Variants in ITGB5 observed in about 807,000 individuals in gnomAD.
ITGB5 encodes integrin subunit beta 5.
Under a neutral mutation model 84.8 loss-of-function variants are expected in ITGB5, and 38 were observed. The observed-to-expected ratio is 0.45, with a 90% CI of 0.35 to 0.59. The LOEUF is 0.59. Ranked by LOEUF, ITGB5 falls within the 20% of genes least tolerant of loss-of-function variation. The pLI is 0.01. For synonymous variants in ITGB5, 393 were observed against 414.4 expected, an observed-to-expected ratio of 0.95 and a Z score of 0.63; for missense variants, 905 against 1,034.5, an observed-to-expected ratio of 0.87 and a Z score of 1.72.
At chr3:124,788,621 T>C (rs2064115719) in intron 10 of ITGB5, among the ~76,000 whole-genome samples, 9 of 152,208 alleles carry the variant, frequency 5.9e-5, no homozygotes, top group Admixed American at 5.9e-4. Context: ...CTCACTGTCA[T>C]GTACATATTT....
chr3:124,863,574 A>G (rs1269573797), intron 2 of ITGB5, among the ~76,000 whole-genome samples: 1 of 152,202 alleles, frequency 6.6e-6, no homozygotes, highest in Non-Finnish European at 1.5e-5. Context: ...GCTGGAGTGC[A>G]GTGGTGTAAT....
intron 1 of ITGB5, among the ~76,000 whole-genome samples, chr3:124,886,342 G>A (rs1934806434): frequency 1.3e-5 from 2 of 152,044 alleles, no homozygotes; most frequent in East Asian, 1.9e-4. Flanking sequence ...GGAAGCAGGC[G>A]GGGGGCGGGG....
At chr3:124,801,689 T>C (rs893741369) in intron 9 of ITGB5, among the ~76,000 whole-genome samples, 2 of 152,222 alleles carry the variant, frequency 1.3e-5, no homozygotes, top group African/African-American at 4.8e-5. Flanking sequence ...TACTCTTGTC[T>C]ACCCCCACCA....
chr3:124,786,289 C>T (rs1248644949), intron 10 of ITGB5, among the ~76,000 whole-genome samples: 1 of 152,038 alleles, frequency 6.6e-6, no homozygotes, highest in Non-Finnish European at 1.5e-5. Context: ...GTAATCCCAA[C>T]ACTTTGGAAG....
At position 124,841,421 on chromosome 3, in the gene ITGB5, C is replaced by G. The variant is rs754885309; in HGVS notation, c.742G>C (p.Gly248Arg). 1.3e-5 allele frequency: 21 copies of G among 1,614,118 alleles called. No homozygotes were observed. Among genetic ancestry groups the G allele is most frequent in the African/African-American group, 2.7e-5 (2 of 74,956 alleles). The change falls in exon 5 of 15, where the codon GGG (glycine) becomes CGG (arginine). Residue 248 changes from glycine (G) to arginine (R), a missense_variant. Around this residue, in one of 3 missense-constraint regions of ITGB5, gnomAD observed 656 missense variants for 734.7 expected, o/e 0.89. Transcript: ENST00000296181. The part of the protein sequence containing the change: ...RVSRNRDAPE[G>R]GFDAVLQAAV... ...GCCTGGAGTACTGCATCAAAGCCCC[C>G]CTCAGGGGCATCTCGGTTCCGGGAC...
intron 12 of ITGB5, among the ~76,000 whole-genome samples, chr3:124,767,169 G>A (rs2063779359): frequency 6.6e-6 from 1 of 152,238 alleles, no homozygotes; most frequent in Admixed American, 6.5e-5. Flanking sequence ...GAAATGCAGT[G>A]GCAATGGCAA....
At chr3:124,779,120 G>A (rs912631212) in intron 10 of ITGB5, among the ~76,000 whole-genome samples, 1 of 152,192 alleles carries the variant, frequency 6.6e-6, no homozygotes, top group African/African-American at 2.4e-5. Context: ...TGGCATTGCC[G>A]TGGGTGCCAC....
chr3:124,785,399 T>C (rs1357233321), intron 10 of ITGB5, among the ~76,000 whole-genome samples: 3 of 151,732 alleles, frequency 2.0e-5, no homozygotes, highest in Non-Finnish European at 4.4e-5. Context: ...CTGGCCAACA[T>C]AGTGAAACTC....
chr3:124,828,817 A>T (rs988383625), intron 5 of ITGB5, among the ~76,000 whole-genome samples: 9 of 152,234 alleles, frequency 5.9e-5, no homozygotes, highest in Non-Finnish European at 1.2e-4. Context: ...GTATTCACAC[A>T]GAATTTAGGT....
intron 5 of ITGB5, among the ~76,000 whole-genome samples, chr3:124,834,617 G>T (rs1277490050): frequency 8.7e-6 from 1 of 114,902 alleles, no homozygotes; most frequent in Non-Finnish European, 1.8e-5. Flanking sequence ...AGAAGGGAAG[G>T]ATGGGGAGGG....
intron 10 of ITGB5, among the ~76,000 whole-genome samples, chr3:124,783,975 C>T (rs1190405070): frequency 3.9e-5 from 6 of 152,336 alleles, no homozygotes; most frequent in African/African-American, 1.4e-4. Flanking sequence ...AATGCCCTGA[C>T]AAGCCCCTCA....
intron 10 of ITGB5, among the ~76,000 whole-genome samples, chr3:124,782,424 T>C (rs190407684): frequency 5.3e-4 from 80 of 152,286 alleles, no homozygotes; most frequent in African/African-American, 1.8e-3. Context: ...TGAGAGCCCA[T>C]AGATTTATCA....
chr3:124,870,671 A>T (rs2169971), intron 2 of ITGB5, among the ~76,000 whole-genome samples: 1 of 150,404 alleles, frequency 6.6e-6, no homozygotes, highest in Admixed American at 6.6e-5. Context: ...GGTGGCAGTG[A>T]GCCGACATCA....
chr3:124,764,550 T>C lies in ITGB5; in HGVS notation c.2145A>G (p.Gly715=), dbSNP rs1178615138. ...GGATGGTCATGGCGTTGGGGGTGTT[T>C]CCACACTCTGGGGGGACCAGAAGCA... ...NLTVLREPEC[G]NTPNAMTILL... is the part of the protein sequence containing the mutation. Residue 715 remains glycine (G), a synonymous_variant, in exon 14 of 15, where the codon GGA becomes GGG. Coordinates refer to ENST00000296181, the MANE Select transcript of ITGB5 (RefSeq NM_002213.5). The C allele has an allele frequency of 1.2e-6, 2 of 1,610,528 alleles. No individual in the cohort carries two copies. The highest frequency in any genetic ancestry group is 1.3e-5 in the African/African-American group (1 of 74,950).
chr3:124,885,241 G>A (rs1934751859), intron 1 of ITGB5, among the ~76,000 whole-genome samples: 1 of 152,038 alleles, frequency 6.6e-6, no homozygotes, highest in Non-Finnish European at 1.5e-5. Context: ...CTGCACTCCA[G>A]CCTGGGCTAC....
At position 124,762,351 on chromosome 3, in the gene ITGB5, T is replaced by C. The variant is rs1248510475; in HGVS notation, c.*1272A>G. On this transcript the variant is annotated 3_prime_UTR_variant, in exon 15 of 15. Transcript: ENST00000296181. ...GGCTGGCCCTCTGGCCAGCATGAGA[T>C]GGGGTCTTAGGAACAGTTTGTCATT... 1.3e-5 allele frequency: 2 copies of C among 152,062 alleles called. No homozygotes were observed. Among genetic ancestry groups the C allele is most frequent in the Non-Finnish European group, 2.9e-5 (2 of 68,012 alleles). The allele number at this position is 152,062 out of a possible 1,614,324, so 9.4% of individuals were successfully genotyped here.
rs559267376 is a variant in ITGB5 at position 124,825,726 on chromosome 3, G to A, written c.781-4252C>T. 1.4e-4 allele frequency among the ~76,000 whole-genome samples: 21 copies of A among 152,292 alleles called. 1 individual carries two copies. The highest frequency in any genetic ancestry group is 3.4e-3 in the Middle Eastern group (1 of 294). On this transcript the variant is annotated intron_variant, in intron 5 of 14. Transcript: ENST00000296181. ...ACAAAGGCATGCTGGGAAACTTTCCGGGGTGATGGAAATAATCCATATCTC... is the reference window on the plus strand; with the variant it reads ...ACAAAGGCATGCTGGGAAACTTTCCAGGGTGATGGAAATAATCCATATCTC...
upstream of ITGB5, among the ~76,000 whole-genome samples, chr3:124,888,284 G>C (rs186278700): frequency 2.0e-3 from 298 of 152,198 alleles, 1 homozygote; most frequent in Admixed American, 2.9e-3. Flanking sequence ...GCTATATTTC[G>C]TTGTCCTTAC....
At chr3:124,871,542 G>T (rs1473517919) in intron 2 of ITGB5, among the ~76,000 whole-genome samples, 1 of 152,126 alleles carries the variant, frequency 6.6e-6, no homozygotes, top group Non-Finnish European at 1.5e-5. Context: ...AAGGAAAGGA[G>T]GGGCCGGGCA....
Sources: gnomAD v4.1 joint callset for allele counts (sites outside exome capture counted in the v4.1 genomes callset) on GRCh38, gnomAD v4.1.1 for gene constraint, gnomAD v4.1.1 regional missense constraint, MANE v1.5 for transcripts, NCBI Gene and HGNC (gene_info 2026-07-23, HGNC 2026-07-21) for gene names.